The following KLF13 variants were observed in gnomAD, a reference collection of about 807,000 sequenced individuals.
The protein encoded by KLF13 is Krueppel-like factor 13.
A neutral mutation model predicts 16.7 loss-of-function variants in KLF13; 8 were observed. That is an observed-to-expected ratio of 0.48 (90% CI 0.28 to 0.87). The LOEUF (loss-of-function observed/expected upper bound fraction) is 0.87. Among genes scored for constraint, KLF13 ranks in the 40% least tolerant of loss-of-function variants. The pLI is 0.10. For synonymous variants in KLF13, 245 were observed against 208.4 expected, an observed-to-expected ratio of 1.18 and a Z score of -1.51; for missense variants, 447 against 452.2, an observed-to-expected ratio of 0.99 and a Z score of 0.10.
chr15:31,410,582 AACACACACACAC>A (rs71110871), intron 1 of KLF13, among the ~76,000 whole-genome samples: 3,401 of 146,916 alleles, frequency 0.023, 57 homozygotes, highest in Middle Eastern at 0.041. Flanking sequence ...AACACCAACC[AACACACACACAC>A]ACACACACAC....
chr15:31,345,867 T>TG (rs1220458908), intron 1 of KLF13, among the ~76,000 whole-genome samples: 2 of 152,262 alleles, frequency 1.3e-5, no homozygotes, highest in East Asian at 3.9e-4. Flanking sequence ...AATGACCTTC[T>TG]GGGGAGGGCT....
chr15:31,423,187 A>ATATATACGTATATATATACATATATACG (rs2040365761), intron 1 of KLF13, among the ~76,000 whole-genome samples: 2 of 134,328 alleles, frequency 1.5e-5, no homozygotes, highest in South Asian at 2.3e-4. Context: ...ATATATACGT[A>ATATATACGTATATATATACATATATACG]TATATATATA....
chr15:31,327,444 C>T lies in KLF13; in HGVS notation c.232C>T (p.Pro78Ser). Reference protein sequence around the residue: ...LADLNQQAPAPAPAERREGAA... With the variant: ...LADLNQQAPASAPAERREGAA... ...GGACCTCAACCAGCAAGCGCCGGCGCCCGCCCCGGCGGAGCGCAGGGAGGG... is the reference window on the plus strand; with the variant it reads ...GGACCTCAACCAGCAAGCGCCGGCGTCCGCCCCGGCGGAGCGCAGGGAGGG... The change falls in exon 1 of 2, where the codon CCC becomes TCC. Residue 78 changes from proline (P) to serine (S), a missense_variant. Physicochemically the swap from Pro to Ser is moderately conservative, Grantham distance 74. This residue lies in a region of KLF13 where 359 missense variants were observed against 282.8 expected (regional missense o/e 1.27). Coordinates refer to ENST00000307145, the MANE Select transcript of KLF13 (RefSeq NM_015995.4). 1 of 1,248,964 alleles carries T rather than the reference C, an allele frequency of 8.0e-7. No homozygotes were observed. Among genetic ancestry groups the T allele is most frequent in the Non-Finnish European group, 1.0e-6 (1 of 996,102 alleles). 77.4% of individuals were successfully genotyped at this position (1,248,964 alleles called of 1,614,324 possible).
rs922669680 is a variant in KLF13 at position 31,372,674 on chromosome 15, C to T, written c.*375C>T. On this transcript the variant is annotated 3_prime_UTR_variant, in exon 2 of 2. Coordinates refer to ENST00000307145, the MANE Select transcript of KLF13 (RefSeq NM_015995.4). ...CACGCTGGGGACAGAGCAGGCCAGC[C>T]AGTCTGGTGGAGCTCAGCGTCTGGC... The T allele has an allele frequency of 1.0e-5, 2 of 192,534 alleles. No individual in the cohort carries two copies. Among genetic ancestry groups the T allele is most frequent in the African/African-American group, 4.7e-5 (2 of 42,696 alleles). The allele number at this position is 192,534 out of a possible 1,614,324, so 11.9% of individuals were successfully genotyped here.
At chr15:31,383,681 A>C (rs977782987) in intron 1 of KLF13, among the ~76,000 whole-genome samples, 10 of 152,232 alleles carry the variant, frequency 6.6e-5, no homozygotes, top group Non-Finnish European at 1.2e-4. Flanking sequence ...CGGGCAGATC[A>C]CGAGGTCAGG....
intron 1 of KLF13, among the ~76,000 whole-genome samples, chr15:31,434,772 T>C (rs1368055469): frequency 6.6e-6 from 1 of 152,138 alleles, no homozygotes; most frequent in African/African-American, 2.4e-5. Flanking sequence ...AGCCCACGCC[T>C]CCCTGCCCCA....
At chr15:31,339,661 C>T (rs2038989211) in intron 1 of KLF13, among the ~76,000 whole-genome samples, 1 of 152,242 alleles carries the variant, frequency 6.6e-6, no homozygotes, top group Non-Finnish European at 1.5e-5. Context: ...CCGAGGAGCG[C>T]CCTCCCACCC....
chr15:31,384,748 C>T (rs948316342), intron 1 of KLF13, among the ~76,000 whole-genome samples: 20 of 152,298 alleles, frequency 1.3e-4, no homozygotes, highest in African/African-American at 3.6e-4. Context: ...GCTGTCCACA[C>T]GTTGGTGCAA....
rs980838617 is a variant in KLF13, at chr15:31,418,939, G to A, written n.118-16431G>A. Among the ~76,000 whole-genome samples, 3 of 152,160 alleles carry A rather than the reference G, an allele frequency of 2.0e-5. No homozygotes were observed. The South Asian group carries it at 6.2e-4, about 32-fold the overall frequency. ...AGCCTGGGCAACATAGAGAGACCCT[G>A]TCTCTAAAAATACATACATATATAC... is the stretch of plus-strand genomic sequence containing the variant. On this transcript the variant is annotated intron_variant and non_coding_transcript_variant, in intron 1 of 1. Transcript: ENST00000558225.
intron 1 of KLF13, chr15:31,420,386 A>T: frequency 8.7e-7 from 1 of 1,145,240 alleles, no homozygotes; most frequent in Non-Finnish European, 1.3e-6. Context: ...AGAGTTCCCC[A>T]GTGGCTACCC....
At position 31,373,815 on chromosome 15, in the gene KLF13, T is replaced by C. The variant is rs1428074225; in HGVS notation, c.*1516T>C. ...CCTTCCTCCTGAGAGTTGAGGCCTGTAAATACAAGGGCCCAGGACAGAGTG... is the reference window on the plus strand; with the variant it reads ...CCTTCCTCCTGAGAGTTGAGGCCTGCAAATACAAGGGCCCAGGACAGAGTG... On this transcript the variant is annotated 3_prime_UTR_variant, in exon 2 of 2. Coordinates refer to ENST00000307145, the MANE Select transcript of KLF13 (RefSeq NM_015995.4). 4 of 136,950 alleles carry C rather than the reference T, an allele frequency of 2.9e-5. No homozygotes were observed. The highest frequency in any genetic ancestry group is 1.1e-4 in the African/African-American group (4 of 36,424). 8.5% of individuals were successfully genotyped at this position (136,950 alleles called of 1,614,324 possible).
upstream of KLF13, among the ~76,000 whole-genome samples, chr15:31,388,402 A>T (rs1164076914): frequency 6.6e-6 from 1 of 152,130 alleles, no homozygotes; most frequent in South Asian, 2.1e-4. Flanking sequence ...ACCTGAGGTC[A>T]GGAGTTCAAG....
At chr15:31,327,868 G>A (rs2038746518) in intron 1 of KLF13, 79 bp downstream of exon 1, 1 of 1,213,306 alleles carries the variant, frequency 8.2e-7, no homozygotes, top group Non-Finnish European at 1.0e-6. Context: ...CGGAGTCCCC[G>A]ATGGGGCGCG....
rs189028153 is a variant in KLF13 at position 31,433,396 on chromosome 15, G to A, written n.118-1974G>A. Among the ~76,000 whole-genome samples the A allele has an allele frequency of 1.2e-3, 183 of 152,252 alleles. 1 individual carries two copies. Among genetic ancestry groups the A allele is most frequent in the African/African-American group, 4.1e-3 (171 of 41,526 alleles). On this transcript the variant is annotated intron_variant and non_coding_transcript_variant, in intron 1 of 1. Coordinates refer to the KLF13 transcript ENST00000558225. ...AGATGTCCAGGGCTGTGTTTTGCCA[G>A]CTCTCTCTGTTTAGGTCCTCTGTCC...
chr15:31,426,583 A>G (rs182432491), intron 1 of KLF13, among the ~76,000 whole-genome samples: 30 of 152,368 alleles, frequency 2.0e-4, no homozygotes, highest in African/African-American at 7.2e-4. Flanking sequence ...TCTAGAATAT[A>G]TAAAGAACAT....
intron 1 of KLF13, among the ~76,000 whole-genome samples, chr15:31,359,791 A>G (rs1024768871): frequency 6.6e-6 from 1 of 152,222 alleles, no homozygotes; most frequent in African/African-American, 2.4e-5. Flanking sequence ...GTGGTTCAGA[A>G]GAACATTCGA....
intron 1 of KLF13, among the ~76,000 whole-genome samples, chr15:31,365,015 C>G (rs1376351859): frequency 6.6e-6 from 1 of 152,200 alleles, no homozygotes. Context: ...CCATGCTGAC[C>G]TGCTCCAGAA....
At chr15:31,341,495 C>G (rs2140939334) in intron 1 of KLF13, among the ~76,000 whole-genome samples, 1 of 148,584 alleles carries the variant, frequency 6.7e-6, no homozygotes, top group Non-Finnish European at 1.5e-5. Flanking sequence ...ATAGACAATT[C>G]AGAATCTTTT....
At chr15:31,344,699 G>A (rs1301073090) in intron 1 of KLF13, among the ~76,000 whole-genome samples, 2 of 151,920 alleles carry the variant, frequency 1.3e-5, no homozygotes. Flanking sequence ...TCTGGTCCTT[G>A]GGTTTACAGA....
Sources: allele counts gnomAD v4.1 joint callset (sites outside exome capture counted in the v4.1 genomes callset), GRCh38; gene constraint gnomAD v4.1.1; regional missense constraint gnomAD v4.1.1; transcripts MANE v1.5; gene names NCBI Gene and HGNC (gene_info 2026-07-23, HGNC 2026-07-21).